Variants in ADAM12 observed in about 807,000 individuals in gnomAD.
ADAM12 encodes the protein ADAM metallopeptidase domain 12, also known as disintegrin and metalloproteinase domain-containing protein 12.
ADAM12 carries 70 observed loss-of-function variants against 106.4 expected under a neutral mutation model. The observed-to-expected ratio is 0.66, with a 90% CI of 0.54 to 0.80. The LOEUF (loss-of-function observed/expected upper bound fraction) is 0.80. ADAM12 is among the 30% of genes least tolerant of loss of function. The pLI is 0.00. For synonymous variants in ADAM12, 420 were observed against 433.5 expected, an observed-to-expected ratio of 0.97 and a Z score of 0.39; for missense variants, 1,010 against 1,171.9, an observed-to-expected ratio of 0.86 and a Z score of 2.02.
chr10:126,269,044 T>C (rs1156286867), intron 3 of ADAM12, among the ~76,000 whole-genome samples: 1 of 152,184 alleles, frequency 6.6e-6, no homozygotes, highest in East Asian at 1.9e-4. Context: ...TTCTTGATGA[T>C]ATGCTAAACA....
At position 126,014,672 on chromosome 10, in the gene ADAM12, T is replaced by C. The variant is rs1953630486; in HGVS notation, c.*2607A>G. 1 of 152,102 alleles carries C rather than the reference T, an allele frequency of 6.6e-6. No homozygotes were observed. The highest frequency in any genetic ancestry group is 2.1e-4 in the South Asian group (1 of 4,828). The allele number at this position is 152,102 out of a possible 1,614,324, so 9.4% of individuals were successfully genotyped here. On this transcript the variant is annotated 3_prime_UTR_variant, in exon 23 of 23. Transcript: ENST00000448723. The stretch of plus-strand genomic sequence containing the variant: ...CAGGAGACAAACCTTTCAGCGGAAT[T>C]GCCTGGAACCCATGAAGTGAGGTCA...
chr10:126,186,875 T>G (rs1957408793), intron 3 of ADAM12, among the ~76,000 whole-genome samples: 1 of 152,218 alleles, frequency 6.6e-6, no homozygotes, highest in African/African-American at 2.4e-5. Context: ...TATTTTTCTT[T>G]GATCTCTCAA....
chr10:126,185,551 T>C (rs570852589), intron 3 of ADAM12, among the ~76,000 whole-genome samples: 28 of 152,258 alleles, frequency 1.8e-4, no homozygotes, highest in African/African-American at 6.0e-4. Flanking sequence ...TGGTCTATTA[T>C]ATGCTTAATG....
intron 3 of ADAM12, among the ~76,000 whole-genome samples, chr10:126,192,152 C>A (rs1207253074): frequency 1.3e-5 from 2 of 152,198 alleles, no homozygotes; most frequent in Admixed American, 6.5e-5. Flanking sequence ...CAGATCCAAA[C>A]CATATCACTA....
At chr10:126,338,429 T>C (rs912412385) in intron 1 of ADAM12, among the ~76,000 whole-genome samples, 2 of 151,580 alleles carry the variant, frequency 1.3e-5, no homozygotes, top group Admixed American at 1.3e-4. Context: ...ATTTTTTGTA[T>C]TTTTAGTAGA....
At chr10:126,175,694 C>T (rs1057041562) in intron 3 of ADAM12, among the ~76,000 whole-genome samples, 3 of 152,320 alleles carry the variant, frequency 2.0e-5, no homozygotes, top group Admixed American at 6.5e-5. Flanking sequence ...ACGTAAGTGT[C>T]GTGCTGGGGG....
intron 2 of ADAM12, among the ~76,000 whole-genome samples, chr10:126,315,175 T>C (rs1853814712): frequency 6.6e-6 from 1 of 152,238 alleles, no homozygotes; most frequent in African/African-American, 2.4e-5. Context: ...TCTGAAAACA[T>C]GGCAGTTGTA....
At chr10:126,119,215 C>T (rs1956041917) in intron 5 of ADAM12, among the ~76,000 whole-genome samples, 1 of 152,194 alleles carries the variant, frequency 6.6e-6, no homozygotes, top group African/African-American at 2.4e-5. Flanking sequence ...AGTCTCAACG[C>T]TGCAAGGGTG....
In ADAM12 at chr10:126,159,314, A is replaced by ATC. The variant is rs1565103710; in HGVS notation, c.261-4010_261-4009insGA. Among the ~76,000 whole-genome samples, 24 of 82,760 alleles carry ATC rather than the reference A, an allele frequency of 2.9e-4. No homozygotes were observed. In the South Asian group the frequency reaches 0.015, roughly 53 times the overall value. The allele number at this position is 82,760 out of a possible 152,430, so 54.3% of individuals were successfully genotyped here. A position where few individuals can be genotyped will look rare whatever the true frequency, so the allele number is the denominator to read the frequency against. ...AACAGAGCGAGACTCCATCAAAAAAAAAAAAAAAAAAAAAAAAGGAGCACA... is the reference window on the plus strand; with the variant it reads ...AACAGAGCGAGACTCCATCAAAAAAATCAAAAAAAAAAAAAAAAAGGAGCACA... On this transcript the variant is annotated intron_variant, in intron 3 of 22. Coordinates refer to ENST00000448723, the MANE Select transcript of ADAM12 (RefSeq NM_001288973.2).
chr10:126,131,117 T>C (rs1956296958), intron 5 of ADAM12, among the ~76,000 whole-genome samples: 1 of 143,460 alleles, frequency 7.0e-6, no homozygotes, highest in Non-Finnish European at 1.5e-5. Context: ...TTTTTTTTTT[T>C]TTTTTTTTTT....
chr10:126,263,381 A>G (rs1424078457), intron 3 of ADAM12, among the ~76,000 whole-genome samples: 1 of 152,164 alleles, frequency 6.6e-6, no homozygotes, highest in Non-Finnish European at 1.5e-5. Flanking sequence ...AATTTGCCTA[A>G]AGTCACAGAG....
chr10:126,048,372 G>A (rs1279103947), intron 16 of ADAM12, among the ~76,000 whole-genome samples: 1 of 152,118 alleles, frequency 6.6e-6, no homozygotes, highest in African/African-American at 2.4e-5. Flanking sequence ...AGCAAATGTG[G>A]GTAAGGAGAC....
rs566152252 is a variant in ADAM12 at position 126,118,063 on chromosome 10, G to A, written c.578C>T (p.Pro193Leu). The A allele has an allele frequency of 6.2e-7, 1 of 1,614,096 alleles. No homozygotes were observed. Among genetic ancestry groups the A allele is most frequent in the African/African-American group, 1.3e-5 (1 of 75,028 alleles). ...PNLAAKNVFP[P>L]PSQTWARRHK... ...CCTTCTTGCCCATGTCTGAGAGGGT[G>A]GTGGAAACACATTCTTTGCAGCGAG... Residue 193 changes from proline to leucine, a missense_variant, in exon 6 of 23, where the codon CCA becomes CTA. Physicochemically the swap from Pro to Leu is moderately conservative, Grantham distance 98. This residue lies in a region of ADAM12 where 391 missense variants were observed against 442.9 expected (regional missense o/e 0.88). Coordinates refer to ENST00000448723, the MANE Select transcript of ADAM12 (RefSeq NM_001288973.2).
chr10:126,166,487 G>T (rs1590543541), intron 3 of ADAM12, among the ~76,000 whole-genome samples: 1 of 136,474 alleles, frequency 7.3e-6, no homozygotes, highest in African/African-American at 2.6e-5. Context: ...TTTCAGGCAG[G>T]TTTCTTTTTT....
At chr10:126,374,804 A>AT (rs1244651902) in intron 1 of ADAM12, among the ~76,000 whole-genome samples, 2 of 152,186 alleles carry the variant, frequency 1.3e-5, no homozygotes, top group East Asian at 1.9e-4. Context: ...TGCTTGCTAC[A>AT]TTTTTTTAAA....
At chr10:126,117,162 C>G (rs1055276625) in intron 6 of ADAM12, among the ~76,000 whole-genome samples, 8 of 152,176 alleles carry the variant, frequency 5.3e-5, no homozygotes, top group African/African-American at 1.9e-4. Context: ...GGGCCTCCAG[C>G]CAAATGTTGG....
intron 14 of ADAM12, among the ~76,000 whole-genome samples, chr10:126,055,072 T>C (rs142602391): frequency 4.0e-4 from 61 of 152,226 alleles, no homozygotes; most frequent in African/African-American, 1.4e-3. Flanking sequence ...AAGAAGAGAA[T>C]CTCATCTGAA....
chr10:126,294,709 AC>A (rs534859492), intron 2 of ADAM12, among the ~76,000 whole-genome samples: 5 of 152,226 alleles, frequency 3.3e-5, no homozygotes, highest in Non-Finnish European at 4.4e-5. Context: ...CTTACAACTG[AC>A]CAACATGATT....
chr10:126,188,713 CT>C (rs1260155807), intron 3 of ADAM12, among the ~76,000 whole-genome samples: 8 of 152,124 alleles, frequency 5.3e-5, no homozygotes, highest in African/African-American at 1.9e-4. Context: ...CTTTGGGAAT[CT>C]TTTTTTCAAT....
Sources: gnomAD v4.1 joint callset for allele counts (sites outside exome capture counted in the v4.1 genomes callset) on GRCh38, gnomAD v4.1.1 for gene constraint, gnomAD v4.1.1 regional missense constraint, MANE v1.5 for transcripts, NCBI Gene and HGNC (gene_info 2026-07-23, HGNC 2026-07-21) for gene names.